The following SLC24A4 variants were observed in gnomAD, a reference collection of about 807,000 sequenced individuals.
The protein encoded by SLC24A4 is solute carrier family 24 member 4.
In SLC24A4, 53 loss-of-function variants were observed where a neutral mutation model predicts 79.0. That is an observed-to-expected ratio of 0.67 (90% confidence interval 0.54 to 0.84). SLC24A4 has a LOEUF of 0.84. Among genes scored for constraint, SLC24A4 ranks in the 40% least tolerant of loss-of-function variants. The pLI, the probability that SLC24A4 is intolerant of heterozygous loss-of-function variation, is 0.00. For missense variants in SLC24A4, 731 were observed against 822.0 expected (o/e 0.89, Z 1.35); for synonymous variants, 323 against 323.8 (o/e 1.00, Z 0.03).
At chr14:92,422,661 T>TA (rs11443072) in intron 2 of SLC24A4, among the ~76,000 whole-genome samples, 63,210 of 152,010 alleles carry the variant, frequency 0.42, 13,387 homozygotes, top group Non-Finnish European at 0.44. Context: ...TATATCATGC[T>TA]AAAAAATGGA....
rs190178059 is a variant in SLC24A4, at chr14:92,353,966, T to C, written c.241+27988T>C. ...GGGCTGACCCCGTGCTGGAGTCACC[T>C]CGCAGTCACTTGCTAAGAGAAATTA... On this transcript the variant is annotated intron_variant, in intron 2 of 16. Coordinates refer to ENST00000532405, the MANE Select transcript of SLC24A4 (RefSeq NM_153646.4). The surrounding 1 kb of genome is among the most constrained non-coding windows in gnomAD (Gnocchi z 4.1). 0.13 allele frequency among the ~76,000 whole-genome samples: 19,323 copies of C among 152,146 alleles called. 1,276 individuals carry two copies. The highest frequency in any genetic ancestry group is 0.15 in the Admixed American group (2,245 of 15,292).
In SLC24A4 at chr14:92,401,281, C is replaced by T. The variant is rs540925470; in HGVS notation, c.242-32631C>T. ...AGGGGAGGGCACCAAATGGAAAAAC[C>T]GTGCAGGTTGTGCACTGCACAATCC... On this transcript the variant is annotated intron_variant, in intron 2 of 16. Coordinates refer to ENST00000532405, the MANE Select transcript of SLC24A4 (RefSeq NM_153646.4). Among the ~76,000 whole-genome samples, 173 of 152,280 alleles carry T rather than the reference C, an allele frequency of 1.1e-3. 2 individuals carry two copies. The South Asian group carries it at 0.03, about 27-fold the overall frequency.
rs188818924 is a variant in SLC24A4, at chr14:92,432,409, C to T, written c.242-1503C>T. ...TCCCAGGATTGGATAAATCAGTCAG[C>T]TCTCAAAACCCTGGTTTGGAGAATC... On this transcript the variant is annotated intron_variant, in intron 2 of 16. Coordinates refer to ENST00000532405, the MANE Select transcript of SLC24A4 (RefSeq NM_153646.4). Among the ~76,000 whole-genome samples the T allele has an allele frequency of 3.3e-3, 501 of 152,312 alleles. 1 individual carries two copies. The highest frequency in any genetic ancestry group is 0.012 in the African/African-American group (479 of 41,568).
rs563481284 is a variant in SLC24A4, at chr14:92,493,764, C to G, written c.*136C>G. ...TTCTTTCACACACTGGAAGGAAGAG[C>G]CATCGTGGTCTTTGTCTGGCCACAG... is the stretch of plus-strand genomic sequence containing the variant. On this transcript the variant is annotated 3_prime_UTR_variant, in exon 17 of 17. Transcript: ENST00000532405. 17 of 1,064,504 alleles carry G rather than the reference C, an allele frequency of 1.6e-5. No individual in the cohort carries two copies. The highest frequency in any genetic ancestry group is 2.0e-5 in the Non-Finnish European group (15 of 753,870). The allele number at this position is 1,064,504 out of a possible 1,614,324, so 65.9% of individuals were successfully genotyped here.
At chr14:92,410,637 C>T (rs58387144) in intron 2 of SLC24A4, among the ~76,000 whole-genome samples, 15,192 of 152,162 alleles carry the variant, frequency 0.1, 1,345 homozygotes, top group African/African-American at 0.23. Flanking sequence ...TTACATAATC[C>T]GCTCACCTCA....
At chr14:92,434,084 C>T (rs1478855524) in intron 3 of SLC24A4, 96 bp downstream of exon 3, 3 of 941,892 alleles carry the variant, frequency 3.2e-6, no homozygotes, top group African/African-American at 3.2e-5. Context: ...ATCTTTTATT[C>T]TTGTAACAGC....
At chr14:92,339,016 C>G (rs577271717) in intron 2 of SLC24A4, among the ~76,000 whole-genome samples, 2 of 152,222 alleles carry the variant, frequency 1.3e-5, no homozygotes, top group Non-Finnish European at 2.9e-5. Context: ...AGTGGCTACT[C>G]TCTCCCTGGC....
intron 2 of SLC24A4, among the ~76,000 whole-genome samples, chr14:92,429,421 C>CATTCAT (rs1891739166): frequency 2.0e-5 from 3 of 152,260 alleles, no homozygotes; most frequent in African/African-American, 7.2e-5. Flanking sequence ...TTTATATACA[C>CATTCAT]ATACGTTCAT....
At chr14:92,409,372 T>C (rs1204098618) in intron 2 of SLC24A4, among the ~76,000 whole-genome samples, 1 of 152,224 alleles carries the variant, frequency 6.6e-6, no homozygotes, top group African/African-American at 2.4e-5. Context: ...TGAAGCGTAG[T>C]GACGGTGGAG....
At chr14:92,442,986 G>A (rs1216177014) in intron 6 of SLC24A4, among the ~76,000 whole-genome samples, 170 bp downstream of exon 6, 1 of 152,196 alleles carries the variant, frequency 6.6e-6, no homozygotes, top group Non-Finnish European at 1.5e-5. Context: ...GCATGAAGCT[G>A]GATTGTCATT....
chr14:92,372,703 C>G (rs549860288), intron 2 of SLC24A4, among the ~76,000 whole-genome samples: 1 of 152,234 alleles, frequency 6.6e-6, no homozygotes, highest in South Asian at 2.1e-4. Flanking sequence ...CCCCTCAGCT[C>G]TCTCCCCTGG....
intron 12 of SLC24A4, among the ~76,000 whole-genome samples, chr14:92,479,494 T>G (rs944766209): frequency 2.6e-5 from 4 of 152,360 alleles, no homozygotes; most frequent in East Asian, 3.9e-4. Context: ...TCTATTAATG[T>G]AATGTTTTAC....
At chr14:92,370,039 A>T (rs549281458) in intron 2 of SLC24A4, among the ~76,000 whole-genome samples, 5 of 152,370 alleles carry the variant, frequency 3.3e-5, no homozygotes, top group Admixed American at 2.6e-4. Context: ...GGTAAGTATT[A>T]ATTGATGAGC....
intron 2 of SLC24A4, among the ~76,000 whole-genome samples, chr14:92,338,982 C>G (rs1188364917): frequency 6.6e-6 from 1 of 152,230 alleles, no homozygotes; most frequent in Non-Finnish European, 1.5e-5. Flanking sequence ...CATTGCACCC[C>G]TCAGGGAGCT....
intron 12 of SLC24A4, among the ~76,000 whole-genome samples, chr14:92,471,329 C>G (rs1194186811): frequency 6.6e-6 from 1 of 152,110 alleles, no homozygotes; most frequent in Non-Finnish European, 1.5e-5. Context: ...TTCTCCTTAT[C>G]CAGAAGAGAA....
At chr14:92,393,031 A>G (rs1289393173) in intron 2 of SLC24A4, among the ~76,000 whole-genome samples, 1 of 150,030 alleles carries the variant, frequency 6.7e-6, no homozygotes, top group Non-Finnish European at 1.5e-5. Context: ...CACCTCTTCC[A>G]CTGTGTGAGG....
intron 12 of SLC24A4, among the ~76,000 whole-genome samples, chr14:92,468,976 T>C (rs557001015): frequency 1.1e-3 from 161 of 150,728 alleles, no homozygotes; most frequent in African/African-American, 3.8e-3. Flanking sequence ...AATTTGAAAA[T>C]GGACAAAAGA....
chr14:92,334,997 T>C (rs1328107543), intron 2 of SLC24A4, among the ~76,000 whole-genome samples: 1 of 152,164 alleles, frequency 6.6e-6, no homozygotes, highest in Non-Finnish European at 1.5e-5. Context: ...TACTTGCTTC[T>C]CGTAACAACT....
intron 2 of SLC24A4, among the ~76,000 whole-genome samples, chr14:92,388,018 G>A (rs61975645): frequency 6.6e-6 from 1 of 152,144 alleles, no homozygotes; most frequent in African/African-American, 2.4e-5. Context: ...GTGTGCAGAT[G>A]TCTGCTCAGG....
Sources: gnomAD v4.1 joint callset for allele counts (sites outside exome capture counted in the v4.1 genomes callset) on GRCh38, gnomAD v4.1.1 for gene constraint, Gnocchi (gnomAD v3.1) non-coding constraint, MANE v1.5 for transcripts, NCBI Gene and HGNC (gene_info 2026-07-23, HGNC 2026-07-21) for gene names.